PM20D2: variants seen among roughly 807,000 people sequenced by gnomAD.
The protein encoded by PM20D2 is peptidase M20 domain containing 2, also known as xaa-Arg dipeptidase.
Under a neutral mutation model 42.9 loss-of-function variants are expected in PM20D2, and 33 were observed. The ratio of observed to expected loss-of-function variants is 0.77; its 90% CI spans 0.58 to 1.03. PM20D2 has a LOEUF of 1.03. Ranked by LOEUF, PM20D2 falls within the 50% of genes least tolerant of loss-of-function variation. The pLI is 0.00. For missense variants in PM20D2, 548 were observed against 557.0 expected, an observed-to-expected ratio of 0.98 and a Z score of 0.16; for synonymous variants, 250 against 228.2, an observed-to-expected ratio of 1.10 and a Z score of -0.86.
chr6:89,115,646 T>TC, the PM20D2 span, among the ~76,000 whole-genome samples: 3 of 146,930 alleles, frequency 2.0e-5, no homozygotes, highest in Admixed American at 6.8e-5. Context: ...TTTTTTTTTT[T>TC]TTTTTTTGAG....
chr6:89,098,987 A>G, the PM20D2 span: 1 of 1,549,408 alleles, frequency 6.5e-7, no homozygotes, highest in Non-Finnish European at 8.7e-7. Flanking sequence ...ATTTCACACA[A>G]AATAAGAGAT....
chr6:89,106,142 T>C, the PM20D2 span, among the ~76,000 whole-genome samples: 1 of 152,164 alleles, frequency 6.6e-6, no homozygotes, highest in African/African-American at 2.4e-5. Flanking sequence ...GTTTTTGAGA[T>C]GGAGTTTCCC....
chr6:89,151,262 G>A (rs544169244), intron 2 of PM20D2, among the ~76,000 whole-genome samples: 3 of 135,392 alleles, frequency 2.2e-5, no homozygotes, highest in South Asian at 2.2e-4. Flanking sequence ...AGAGAGTCTC[G>A]TTTTGTCACC....
At position 89,163,464 on chromosome 6, in the gene PM20D2, G is replaced by A. The variant is rs1771313663; in HGVS notation, c.*1201G>A. 1 of 152,114 alleles carries A rather than the reference G, an allele frequency of 6.6e-6. No individual in the cohort carries two copies. Among genetic ancestry groups the A allele is most frequent in the Non-Finnish European group, 1.5e-5 (1 of 68,040 alleles). The allele number at this position is 152,114 out of a possible 1,614,324, so 9.4% of individuals were successfully genotyped here. ...CCCAAAGTGTTGGGATTTCAGGTAT[G>A]AGACACCACACCTGCCCATTTTTGT... is the stretch of plus-strand genomic sequence containing the variant. On this transcript the variant is annotated 3_prime_UTR_variant, in exon 7 of 7. Transcript: ENST00000275072.
the PM20D2 span, among the ~76,000 whole-genome samples, chr6:89,108,248 A>G: frequency 6.6e-6 from 1 of 152,216 alleles, no homozygotes; most frequent in Non-Finnish European, 1.5e-5. Flanking sequence ...ATATTTAGCA[A>G]TAATAGCTAA....
the PM20D2 span, among the ~76,000 whole-genome samples, chr6:89,115,921 C>T: frequency 6.6e-6 from 1 of 152,188 alleles, no homozygotes; most frequent in South Asian, 2.1e-4. Context: ...AGGCATGAGC[C>T]ACCGCACCCG....
At chr6:89,106,543 T>TA in the PM20D2 span, 4 of 157,970 alleles carry the variant, frequency 2.5e-5, no homozygotes, top group Admixed American at 2.4e-4. Flanking sequence ...AATTATATAA[T>TA]ATTAAACCTA....
chr6:89,141,061 T>C (rs74557262), upstream of PM20D2, among the ~76,000 whole-genome samples: 4,292 of 152,322 alleles, frequency 0.028, 79 homozygotes, highest in South Asian at 0.044. Context: ...ACTAGCTATG[T>C]AGAAATGCAC....
At chr6:89,155,258 CTTTTTTTTTTTTTT>C (rs34776724) in intron 4 of PM20D2, among the ~76,000 whole-genome samples, 2 of 58,924 alleles carry the variant, frequency 3.4e-5, no homozygotes, top group African/African-American at 1.3e-4. Flanking sequence ...TCAGCAAAAG[CTTTTTTTTTTTTTT>C]TTTTTTTTTT....
the PM20D2 span, among the ~76,000 whole-genome samples, chr6:89,099,301 T>C: frequency 6.6e-6 from 1 of 151,490 alleles, no homozygotes; most frequent in Non-Finnish European, 1.5e-5. Flanking sequence ...ATAATGCTTA[T>C]AAAAATAAAA....
At chr6:89,158,542 T>A in intron 5 of PM20D2, 82 bp downstream of exon 5, 1 of 1,504,390 alleles carries the variant, frequency 6.6e-7, no homozygotes, top group Non-Finnish European at 9.0e-7. Context: ...ATTTAATGGT[T>A]TGGGAGGTCG....
At chr6:89,150,770 C>T (rs1770805746) in intron 2 of PM20D2, among the ~76,000 whole-genome samples, 1 of 151,252 alleles carries the variant, frequency 6.6e-6, no homozygotes, top group Non-Finnish European at 1.5e-5. Context: ...GAACTCCTAA[C>T]CTCAAGTGAT....
the PM20D2 span, chr6:89,098,886 G>T: frequency 6.2e-7 from 1 of 1,613,832 alleles, no homozygotes; most frequent in East Asian, 2.2e-5. Context: ...GAGGTAGACC[G>T]CCTTGGTAAT....
the PM20D2 span, among the ~76,000 whole-genome samples, chr6:89,117,637 C>A: frequency 6.6e-6 from 1 of 152,004 alleles, no homozygotes; most frequent in African/African-American, 2.4e-5. Flanking sequence ...AGGGCGGAGG[C>A]GCGAGTTCCG....
At chr6:89,138,124 A>C in the PM20D2 span, among the ~76,000 whole-genome samples, 1 of 148,496 alleles carries the variant, frequency 6.7e-6, no homozygotes, top group Non-Finnish European at 1.5e-5. Context: ...TATATTTCCT[A>C]TATTTCCCAG....
the PM20D2 span, among the ~76,000 whole-genome samples, chr6:89,134,128 G>A: frequency 2.0e-5 from 3 of 151,208 alleles, no homozygotes. Flanking sequence ...TGGCCCTGCC[G>A]GCATTTATTC....
At chr6:89,102,394 G>A in the PM20D2 span, among the ~76,000 whole-genome samples, 1 of 152,110 alleles carries the variant, frequency 6.6e-6, no homozygotes, top group Non-Finnish European at 1.5e-5. Context: ...GCCTCCCAAA[G>A]TGCTGAGATG....
chr6:89,134,345 A>G, the PM20D2 span, among the ~76,000 whole-genome samples: 2 of 151,148 alleles, frequency 1.3e-5, no homozygotes, highest in Non-Finnish European at 2.9e-5. Flanking sequence ...TCCTTCGGCC[A>G]AACACTTAAG....
Sources: allele counts gnomAD v4.1 joint callset (sites outside exome capture counted in the v4.1 genomes callset), GRCh38; gene constraint gnomAD v4.1.1; transcripts MANE v1.5; gene names NCBI Gene and HGNC (gene_info 2026-07-23, HGNC 2026-07-21).